Variants in SKAP1 observed in about 807,000 individuals in gnomAD.
SKAP1 encodes the protein src kinase-associated phosphoprotein 1.
A neutral mutation model predicts 58.5 loss-of-function variants in SKAP1; 44 were observed. That is an observed-to-expected ratio of 0.75 (90% CI 0.59 to 0.97). The LOEUF is 0.97. SKAP1 is among the 50% of genes least tolerant of loss of function. The probability of loss-of-function intolerance (pLI) is 0.00; values close to 1 mark genes in which losing one functional copy is unlikely to be tolerated. For synonymous variants in SKAP1, 127 were observed against 149.7 expected (o/e 0.85, Z 1.11); for missense variants, 390 against 435.2 (o/e 0.90, Z 0.92).
chr17:48,301,385 A>T, intron 4 of SKAP1, among the ~76,000 whole-genome samples: 1 of 152,112 alleles, frequency 6.6e-6, no homozygotes, highest in East Asian at 1.9e-4. Flanking sequence ...ACCTATCTTT[A>T]TATTCCTTCA....
intron 4 of SKAP1, among the ~76,000 whole-genome samples, chr17:48,198,454 C>CAAAAA (rs55958821): frequency 0.039 from 1,956 of 49,880 alleles, 303 homozygotes; most frequent in South Asian, 0.14. Flanking sequence ...GACTCCGTCT[C>CAAAAA]AAAAAAAAAA....
At chr17:48,237,364 T>C (rs1343068710) in intron 4 of SKAP1, among the ~76,000 whole-genome samples, 2 of 152,226 alleles carry the variant, frequency 1.3e-5, no homozygotes, top group African/African-American at 2.4e-5. Context: ...ATCACGTAGC[T>C]AGAAGGTGGT....
At chr17:48,176,145 T>G (rs1180418110) in intron 9 of SKAP1, among the ~76,000 whole-genome samples, 1 of 152,168 alleles carries the variant, frequency 6.6e-6, no homozygotes, top group Non-Finnish European at 1.5e-5. Flanking sequence ...GCAATCTGGT[T>G]TCTAGGTTTA....
At chr17:48,269,700 A>T (rs149568050) in intron 4 of SKAP1, among the ~76,000 whole-genome samples, 32 of 152,278 alleles carry the variant, frequency 2.1e-4, no homozygotes, top group African/African-American at 7.0e-4. Context: ...TTCCTCCTAC[A>T]TCTAGCTGTG....
At chr17:48,140,129 C>G (rs2063750298) in intron 11 of SKAP1, among the ~76,000 whole-genome samples, 1 of 152,208 alleles carries the variant, frequency 6.6e-6, no homozygotes, top group Non-Finnish European at 1.5e-5. Flanking sequence ...AACTTCCTTC[C>G]TGTTCACTGT....
At chr17:48,153,894 T>TAAAAAA (rs1259590946) in intron 11 of SKAP1, among the ~76,000 whole-genome samples, 1 of 99,248 alleles carries the variant, frequency 1.0e-5, no homozygotes. Context: ...GCCCTGAAAT[T>TAAAAAA]AAAAAAAAAA....
At chr17:48,270,632 C>T (rs918910980) in intron 4 of SKAP1, among the ~76,000 whole-genome samples, 9 of 152,080 alleles carry the variant, frequency 5.9e-5, no homozygotes, top group Admixed American at 2.0e-4. Context: ...TGAGCCACTG[C>T]GCCTGGCCCT....
intron 2 of SKAP1, among the ~76,000 whole-genome samples, chr17:48,370,423 C>T (rs1320038684): frequency 6.6e-6 from 1 of 152,114 alleles, no homozygotes; most frequent in Non-Finnish European, 1.5e-5. Context: ...CTCCCCACCT[C>T]AGCCTCCCAG....
chr17:48,191,254 A>C (rs755273456), intron 4 of SKAP1, among the ~76,000 whole-genome samples: 23 of 152,176 alleles, frequency 1.5e-4, no homozygotes, highest in Non-Finnish European at 3.2e-4. Context: ...TGAAAGAAGA[A>C]TGAAAAAAAA....
intron 1 of SKAP1, among the ~76,000 whole-genome samples, chr17:48,402,858 T>C (rs1167709555): frequency 6.6e-6 from 1 of 152,168 alleles, no homozygotes. Flanking sequence ...ATGAAATGTA[T>C]AGAATAGGCA....
At chr17:48,136,173 TCTC>T (rs2063694787) in intron 12 of SKAP1, among the ~76,000 whole-genome samples, 1 of 150,508 alleles carries the variant, frequency 6.6e-6, no homozygotes, top group Admixed American at 6.6e-5. Flanking sequence ...TGCTTTTCTC[TCTC>T]TTTTTTTTTT....
chr17:48,331,685 C>T (rs937567388), intron 4 of SKAP1, among the ~76,000 whole-genome samples: 3 of 148,616 alleles, frequency 2.0e-5, no homozygotes, highest in African/African-American at 7.5e-5. Context: ...GTAAAAAGAG[C>T]GAAACTCCGT....
At chr17:48,420,879 T>C (rs1253154196) in intron 1 of SKAP1, among the ~76,000 whole-genome samples, 1 of 152,122 alleles carries the variant, frequency 6.6e-6, no homozygotes, top group Admixed American at 6.6e-5. Context: ...ACCCACTAGA[T>C]GCCAGGAGCA....
In SKAP1 at chr17:48,268,752, A is replaced by C. The variant is rs1420883056; in HGVS notation, c.280+77153T>G. Among the ~76,000 whole-genome samples, 3 of 152,214 alleles carry C rather than the reference A, an allele frequency of 2.0e-5. No individual in the cohort carries two copies. The South Asian group carries it at 6.2e-4, about 32-fold the overall frequency. ...AATGATCTACCCGCCTCAGCCTCCCAAAGTGCTGGAATCGCAGGTGTGAGC... is the reference window on the plus strand; with the variant it reads ...AATGATCTACCCGCCTCAGCCTCCCCAAGTGCTGGAATCGCAGGTGTGAGC... On this transcript the variant is annotated intron_variant, in intron 4 of 12. Transcript: ENST00000336915.
intron 2 of SKAP1, among the ~76,000 whole-genome samples, chr17:48,366,733 C>T (rs2067008068): frequency 2.0e-5 from 3 of 152,206 alleles, no homozygotes; most frequent in Admixed American, 2.0e-4. Context: ...TCCATCTACT[C>T]TTGCTATTTT....
At chr17:48,379,287 T>C (rs987317222) in intron 2 of SKAP1, among the ~76,000 whole-genome samples, 11 of 152,206 alleles carry the variant, frequency 7.2e-5, no homozygotes, top group Admixed American at 3.3e-4. Context: ...GAAGCTTTCA[T>C]GAAGAAAATG....
At chr17:48,173,186 T>TAA (rs11453633) in intron 9 of SKAP1, among the ~76,000 whole-genome samples, 87 of 144,566 alleles carry the variant, frequency 6.0e-4, no homozygotes, top group Admixed American at 7.5e-4. Context: ...ACCTTGTCTC[T>TAA]AAAAAAAAAA....
intron 4 of SKAP1, among the ~76,000 whole-genome samples, chr17:48,196,488 GA>G (rs1290780633): frequency 6.6e-6 from 1 of 152,128 alleles, no homozygotes; most frequent in Non-Finnish European, 1.5e-5. Context: ...TTTGGAGTAT[GA>G]ATAATCTGTC....
At chr17:48,305,635 A>G (rs912155581) in intron 4 of SKAP1, among the ~76,000 whole-genome samples, 2 of 152,236 alleles carry the variant, frequency 1.3e-5, no homozygotes, top group African/African-American at 4.8e-5. Flanking sequence ...AACTGGGAAC[A>G]ATAATGGTAC....
Sources: allele counts gnomAD v4.1 joint callset (sites outside exome capture counted in the v4.1 genomes callset), GRCh38; gene constraint gnomAD v4.1.1; transcripts MANE v1.5; gene names NCBI Gene and HGNC (gene_info 2026-07-23, HGNC 2026-07-21).